The following APP variants were observed in gnomAD, a reference collection of about 807,000 sequenced individuals.
APP encodes amyloid beta precursor protein.
APP carries 31 observed loss-of-function variants against 101.4 expected under a neutral mutation model. The ratio of observed to expected loss-of-function variants is 0.31; its 90% confidence interval spans 0.23 to 0.41. The LOEUF is 0.41. Ranked by LOEUF, APP falls within the 10% of genes least tolerant of loss-of-function variation. APP has a pLI of 1.00. For synonymous variants in APP, 366 were observed against 364.4 expected (o/e 1.00, Z -0.05); for missense variants, 839 against 1,003.7 (o/e 0.84, Z 2.22).
chr21:26,094,605 A>T (rs888278500), intron 2 of APP, among the ~76,000 whole-genome samples: 34 of 149,192 alleles, frequency 2.3e-4, no homozygotes, highest in African/African-American at 8.0e-4. Flanking sequence ...TCATTTATAA[A>T]GATATAAATA....
chr21:26,010,022 T>C (rs2043720209), intron 6 of APP: 1 of 96,312 alleles, frequency 1.0e-5, no homozygotes, highest in Non-Finnish European at 2.1e-5. Context: ...TCCTACTGTT[T>C]CATGTCCTTT....
rs200826437 is a variant in APP at position 26,053,326 on chromosome 21, G to A, written c.378C>T (p.Ala126=). ...RCLVGEFVSD[A]LLVPDKCKFL... is the part of the protein sequence containing the mutation. The stretch of plus-strand genomic sequence containing the variant: ...ATTTGCACTTGTCAGGAACGAGAAG[G>A]GCATCACTTACAAACTCACCAACTG... Residue 126 remains alanine, a synonymous_variant, in exon 4 of 18, where the codon GCC becomes GCT. Coordinates refer to ENST00000346798, the MANE Select transcript of APP (RefSeq NM_000484.4). 4.3e-6 allele frequency: 7 copies of A among 1,612,804 alleles called. No individual in the cohort carries two copies. The highest frequency in any genetic ancestry group is 1.3e-5 in the African/African-American group (1 of 74,822).
chr21:25,969,918 A>AGGGAGGGGAGGGGAGGGG (rs2041958802), intron 11 of APP, among the ~76,000 whole-genome samples: 2 of 2,340 alleles, frequency 8.5e-4, no homozygotes, highest in Non-Finnish European at 1.8e-3. Flanking sequence ...GGGGAGGGGA[A>AGGGAGGGGAGGGGAGGGG]GAGAAAAGGA....
intron 3 of APP, among the ~76,000 whole-genome samples, chr21:26,081,304 G>A (rs2061593573): frequency 6.7e-6 from 1 of 150,372 alleles, no homozygotes; most frequent in African/African-American, 2.5e-5. Flanking sequence ...GGCTGAGTCC[G>A]AAAAAGAGTC....
At chr21:25,961,659 GTTTAT>G (rs1304122416) in intron 11 of APP, among the ~76,000 whole-genome samples, 1 of 152,080 alleles carries the variant, frequency 6.6e-6, no homozygotes, top group Non-Finnish European at 1.5e-5. Context: ...GTCTAGTGAG[GTTTAT>G]TTTATTATGC....
At chr21:26,124,652 T>C (rs1266012517) in intron 1 of APP, among the ~76,000 whole-genome samples, 1 of 152,210 alleles carries the variant, frequency 6.6e-6, no homozygotes, top group African/African-American at 2.4e-5. Flanking sequence ...CTAACGTGAA[T>C]GACTGCTGTA....
intron 13 of APP, among the ~76,000 whole-genome samples, chr21:25,952,417 C>T (rs2041129455): frequency 6.7e-6 from 1 of 150,266 alleles, no homozygotes; most frequent in South Asian, 2.1e-4. Flanking sequence ...TTCCATGATA[C>T]TAGTTATCTA....
rs148118897 is a variant in APP, at chr21:26,036,236, C to T, written c.663-14194G>A. ...AATGTCAAAACAAAACAAAATCAGC[C>T]AAGACAGGATAATTAAAACCACAAA... On this transcript the variant is annotated intron_variant, in intron 5 of 17. Transcript: ENST00000346798. Among the ~76,000 whole-genome samples the T allele has an allele frequency of 5.9e-3, 735 of 124,304 alleles. 3 individuals carry two copies. Among genetic ancestry groups the T allele is most frequent in the African/African-American group, 0.022 (698 of 31,520 alleles). 81.5% of individuals were successfully genotyped at this position (124,304 alleles called of 152,430 possible). A position where few individuals can be genotyped will look rare whatever the true frequency, so the allele number is the denominator to read the frequency against.
chr21:25,887,472 C>T (rs1340119893), intron 17 of APP, among the ~76,000 whole-genome samples: 1 of 141,572 alleles, frequency 7.1e-6, no homozygotes, highest in East Asian at 2.3e-4. Context: ...ACTCTCTGGC[C>T]TTATGGCTAA....
intron 16 of APP, among the ~76,000 whole-genome samples, chr21:25,892,533 CATA>C (rs34656525): frequency 0.24 from 36,516 of 152,036 alleles, 5,486 homozygotes; most frequent in Middle Eastern, 0.42. Context: ...CTTTTTAAAG[CATA>C]ATGTTATTTC....
chr21:25,929,589 G>T (rs2046942137), intron 13 of APP, among the ~76,000 whole-genome samples: 1 of 152,084 alleles, frequency 6.6e-6, no homozygotes. Flanking sequence ...TCCTTTTTCT[G>T]GGTACAGTTT....
chr21:26,131,213 G>C (rs1601536791), intron 1 of APP, among the ~76,000 whole-genome samples: 3 of 151,886 alleles, frequency 2.0e-5, no homozygotes, highest in African/African-American at 7.2e-5. Flanking sequence ...CAGGTAACAA[G>C]AGCGAAACGC....
intron 8 of APP, among the ~76,000 whole-genome samples, chr21:25,991,452 A>G (rs954910200): frequency 3.3e-5 from 5 of 151,960 alleles, no homozygotes; most frequent in African/African-American, 1.2e-4. Context: ...ATCTCAGCTC[A>G]CTGCAACCTC....
At chr21:26,000,399 A>C (rs1217397818) in intron 6 of APP, among the ~76,000 whole-genome samples, 1 of 152,230 alleles carries the variant, frequency 6.6e-6, no homozygotes, top group East Asian at 1.9e-4. Context: ...TAATGAGTGC[A>C]GGACTCGGTA....
intron 15 of APP, among the ~76,000 whole-genome samples, chr21:25,899,945 ACT>A (rs1472829199): frequency 3.3e-5 from 5 of 151,982 alleles, no homozygotes; most frequent in African/African-American, 4.8e-5. Context: ...TCATTCTTTA[ACT>A]CTGGTCCTCT....
intron 5 of APP, among the ~76,000 whole-genome samples, chr21:26,042,773 G>A (rs978974683): frequency 6.6e-5 from 10 of 152,010 alleles, no homozygotes; most frequent in African/African-American, 9.7e-5. Context: ...AAATTAGGCA[G>A]GCATGGTGGC....
At chr21:26,042,656 C>A (rs918866373) in intron 5 of APP, among the ~76,000 whole-genome samples, 1 of 152,184 alleles carries the variant, frequency 6.6e-6, no homozygotes. Flanking sequence ...AATCTCAACA[C>A]TTTGGGAGGC....
At position 26,125,287 on chromosome 21, in the gene APP, T is replaced by G. The variant is rs535320277; in HGVS notation, c.58-13141A>C. On this transcript the variant is annotated intron_variant, in intron 1 of 17. Transcript: ENST00000346798. ...CCCCAGGACAACTTTCGTGGGCCTC[T>G]TTCTCTCTTAAAAAAACATTAAAAG... 5.3e-5 allele frequency among the ~76,000 whole-genome samples: 8 copies of G among 152,282 alleles called. No individual in the cohort carries two copies. In the South Asian group the frequency reaches 1.7e-3, roughly 32 times the overall value.
intron 9 of APP, among the ~76,000 whole-genome samples, chr21:25,980,946 C>A (rs528915632): frequency 6.6e-6 from 1 of 152,076 alleles, no homozygotes; most frequent in Non-Finnish European, 1.5e-5. Context: ...AAAGAATGAG[C>A]GAAGCAGGGT....
Sources: allele counts gnomAD v4.1 joint callset (sites outside exome capture counted in the v4.1 genomes callset), GRCh38; gene constraint gnomAD v4.1.1; transcripts MANE v1.5; gene names NCBI Gene and HGNC (gene_info 2026-07-23, HGNC 2026-07-21).